Variants in SGCA observed in about 807,000 individuals in gnomAD.
The protein encoded by SGCA is sarcoglycan alpha.
A neutral mutation model predicts 38.1 loss-of-function variants in SGCA; 34 were observed. That is an observed-to-expected ratio of 0.89 (90% CI 0.68 to 1.19). SGCA has a LOEUF of 1.19. SGCA is among the 50% of genes most tolerant of loss of function. SGCA has a pLI of 0.00. For synonymous variants in SGCA, 209 were observed against 214.6 expected, an observed-to-expected ratio of 0.97 and a Z score of 0.23; for missense variants, 476 against 524.9, an observed-to-expected ratio of 0.91 and a Z score of 0.91.
chr17:50,171,175 C>G (rs1156935302), intron 8 of SGCA, among the ~76,000 whole-genome samples: 1 of 152,204 alleles, frequency 6.6e-6, no homozygotes, highest in African/African-American at 2.4e-5. Context: ...GAGTCAGACA[C>G]CTGCGGTCCA....
chr17:50,167,598 C>T lies in SGCA; in HGVS notation c.174C>T (p.Val58=), dbSNP rs1167800537. ...LPEHVAVPPA[V]HITYHAHLQG... ...TTCCACCAGCTGTCCCACCCGCTGT[C>T]CACATCACCTACCACGCCCACCTCC... is the stretch of plus-strand genomic sequence containing the variant. Residue 58 remains valine (V), a synonymous_variant, in exon 3 of 10, where the codon GTC becomes GTT. Transcript: ENST00000262018. This position sits in a 1 kb window ranked among gnomAD's most constrained non-coding sequence, Gnocchi z 4.5. 6.2e-7 allele frequency: 1 copy of T among 1,613,684 alleles called. No homozygotes were observed. The highest frequency in any genetic ancestry group is 1.1e-5 in the South Asian group (1 of 91,090).
chr17:50,166,530 G>A (rs925812446), intron 1 of SGCA, among the ~76,000 whole-genome samples: 53 of 151,940 alleles, frequency 3.5e-4, no homozygotes, highest in African/African-American at 1.2e-3. Context: ...AGGGGAGGAA[G>A]GTGGGGGTCT....
In SGCA at chr17:50,169,115, C is replaced by T. The variant is rs920493061; in HGVS notation, c.608C>T (p.Ala203Val). 1 of 1,613,784 alleles carries T rather than the reference C, an allele frequency of 6.2e-7. No individual in the cohort carries two copies. The highest frequency in any genetic ancestry group is 1.3e-5 in the African/African-American group (1 of 74,886). Residue 203 changes from alanine (A) to valine (V), a missense_variant, in exon 6 of 10, where the codon GCC (alanine) becomes GTC (valine). Ala to Val is a moderately conservative substitution (Grantham distance 64). Coordinates refer to ENST00000262018, the MANE Select transcript of SGCA (RefSeq NM_000023.4). ...AGGGTATACATTAAGGTGGGTTCTG[C>T]CTCACCTTTTTCTACTTGCCTGAAG... ...KEGVYIKVGS[A>V]SPFSTCLKMV...
In SGCA at chr17:50,175,457, T is replaced by C. The variant is rs1346088555; in HGVS notation, c.*12+8T>C. ...CACTGACAGCCTAGCCAGGTAGGTC[T>C]GGTGGGTGATGCCAGCCTTATTTCT... On this transcript the variant is annotated splice_region_variant and intron_variant, in intron 9 of 9. Transcript: ENST00000262018. 1 of 1,607,954 alleles carries C rather than the reference T, an allele frequency of 6.2e-7. No homozygotes were observed. The highest frequency in any genetic ancestry group is 1.7e-5 in the Admixed American group (1 of 59,946).
At chr17:50,166,765 A>G (rs1222861342) in intron 1 of SGCA, among the ~76,000 whole-genome samples, 1 of 76,616 alleles carries the variant, frequency 1.3e-5, no homozygotes, top group African/African-American at 6.8e-5. Flanking sequence ...ACCCTCACAC[A>G]CACACCCTCA....
chr17:50,170,818 G>A (rs1905323780), intron 8 of SGCA, 152 bp downstream of exon 8: 1 of 725,968 alleles, frequency 1.4e-6, no homozygotes, highest in Non-Finnish European at 2.4e-6. Flanking sequence ...CCAGCACTTT[G>A]GGAGGCTGAG....
At chr17:50,168,923 A>G (rs1905149886) in intron 5 of SGCA, among the ~76,000 whole-genome samples, 169 bp from the exon 6 acceptor site, 1 of 152,150 alleles carries the variant, frequency 6.6e-6, no homozygotes, top group Middle Eastern at 3.4e-3. Flanking sequence ...GACTCCTGCC[A>G]GACCCCAGCT....
In SGCA at chr17:50,167,909, C is replaced by A; in HGVS notation, c.313-38C>A. 6.2e-7 allele frequency: 1 copy of A among 1,603,806 alleles called. No homozygotes were observed. The highest frequency in any genetic ancestry group is 8.5e-7 in the Non-Finnish European group (1 of 1,170,648). ...AGGCCCCCGCTGTGCCACGTTTCTCCCCTAACCCACTTCTCAGATGTCTTT... is the reference window on the plus strand; with the variant it reads ...AGGCCCCCGCTGTGCCACGTTTCTCACCTAACCCACTTCTCAGATGTCTTT... On this transcript the variant is annotated intron_variant, in intron 3 of 9. Coordinates refer to ENST00000262018, the MANE Select transcript of SGCA (RefSeq NM_000023.4). This position sits in a 1 kb window ranked among gnomAD's most constrained non-coding sequence, Gnocchi z 4.5.
rs201625981 is a variant in SGCA, at chr17:50,175,300, G to A, written c.1027G>A (p.Glu343Lys). ...HHCTIHGNTE[E>K]LRQMAASREV... Reference sequence around the variant, plus strand: ...CTGCACCATCCACGGGAACACAGAGGAGCTGCGGCAGATGGCGGCCAGCCG... The same window carrying A: ...CTGCACCATCCACGGGAACACAGAGAAGCTGCGGCAGATGGCGGCCAGCCG... The change falls in exon 9 of 10, where the codon GAG becomes AAG. Residue 343 changes from glutamate to lysine, a missense_variant. Transcript: ENST00000262018. The A allele has an allele frequency of 3.4e-5, 54 of 1,608,852 alleles. No homozygotes were observed. Among genetic ancestry groups the A allele is most frequent in the Non-Finnish European group, 4.2e-5 (49 of 1,178,272 alleles).
intron 5 of SGCA, 23 bp from the exon 6 acceptor site, chr17:50,169,069 C>G: frequency 6.2e-7 from 1 of 1,612,886 alleles, no homozygotes; most frequent in Non-Finnish European, 8.5e-7. Context: ...ACTCTGCTGA[C>G]AGTGACTTCT....
At chr17:50,169,443 A>ACC in intron 6 of SGCA, 189 bp downstream of exon 6, 1 of 588,730 alleles carries the variant, frequency 1.7e-6, no homozygotes, top group Non-Finnish European at 3.0e-6. Context: ...ACACACACAC[A>ACC]CACCCCTGAA....
intron 8 of SGCA, chr17:50,171,548 C>T: frequency 2.2e-6 from 1 of 456,832 alleles, no homozygotes; most frequent in Non-Finnish European, 4.4e-6. Context: ...CTTCGAACCC[C>T]CTTGATAAGC....
chr17:50,172,884 T>C (rs938243554), intron 8 of SGCA, among the ~76,000 whole-genome samples: 2 of 152,254 alleles, frequency 1.3e-5, no homozygotes, highest in African/African-American at 2.4e-5. Flanking sequence ...TTTTATTTTC[T>C]GTTTTCAATT....
At chr17:50,173,676 A>G (rs1371219445) in intron 8 of SGCA, among the ~76,000 whole-genome samples, 1 of 152,126 alleles carries the variant, frequency 6.6e-6, no homozygotes, top group Non-Finnish European at 1.5e-5. Context: ...GCATCCACAC[A>G]CTGGTTGCTT....
chr17:50,168,643 C>T (rs1276699151), intron 5 of SGCA, 71 bp downstream of exon 5: 2 of 1,401,748 alleles, frequency 1.4e-6, no homozygotes, highest in African/African-American at 1.4e-5. Flanking sequence ...GAACAAGGGT[C>T]TCCCTAATTT....
At chr17:50,170,401 A>T in intron 7 of SGCA, 50 bp downstream of exon 7, 1 of 1,549,890 alleles carries the variant, frequency 6.5e-7, no homozygotes, top group Middle Eastern at 1.7e-4. Context: ...GCTCACACCC[A>T]TGGGACTCAC....
At chr17:50,169,414 T>TAAACAC in intron 6 of SGCA, 160 bp downstream of exon 6, 1 of 479,800 alleles carries the variant, frequency 2.1e-6, no homozygotes. Flanking sequence ...AGTCTGAGGA[T>TAAACAC]ACACACACAC....
At chr17:50,172,171 C>G (rs182037811) in intron 8 of SGCA, 1 of 456,976 alleles carries the variant, frequency 2.2e-6, no homozygotes. Flanking sequence ...CCGGCCCTCA[C>G]CTTTACCTGT....
chr17:50,171,954 C>T (rs1174678288), intron 8 of SGCA: 1 of 456,742 alleles, frequency 2.2e-6, no homozygotes, highest in Admixed American at 2.3e-5. Context: ...CGCTGCCCTG[C>T]TGGCCTCCAC....
Sources: gnomAD v4.1 joint callset for allele counts (sites outside exome capture counted in the v4.1 genomes callset) on GRCh38, gnomAD v4.1.1 for gene constraint, Gnocchi (gnomAD v3.1) non-coding constraint, MANE v1.5 for transcripts, NCBI Gene and HGNC (gene_info 2026-07-23, HGNC 2026-07-21) for gene names.